STARD8: variants seen among roughly 807,000 people sequenced by gnomAD.
STARD8 encodes the protein StAR related lipid transfer domain containing 8, also known as stAR-related lipid transfer protein 8.
A neutral mutation model predicts 69.4 loss-of-function variants in STARD8; 25 were observed. The observed-to-expected ratio is 0.36, with a 90% confidence interval of 0.26 to 0.50. The LOEUF is 0.50. Ranked by LOEUF, STARD8 falls within the 20% of genes least tolerant of loss-of-function variation. STARD8 has a pLI of 0.96. For synonymous variants in STARD8, 389 were observed against 374.6 expected (o/e 1.04, Z -0.45); for missense variants, 921 against 932.5 (o/e 0.99, Z 0.16).
At chrX:68,724,256 C>A in intron 14 of STARD8, 49 bp from the exon 15 acceptor site, 1 of 1,188,660 alleles carries the variant, frequency 8.4e-7, no homozygotes, top group Non-Finnish European at 1.1e-6. Flanking sequence ...CTGGTGAGGG[C>A]TCTGGGGAAA....
rs1307082698 is a variant in STARD8 at position 68,671,025 on chromosome X, G to T, written c.79+5493G>T. ...AACTGGTCTTCCTGCCACCATGCTC[G>T]CCCTTCCAGTTCACCCTCCATGCTG... On this transcript the variant is annotated intron_variant, in intron 2 of 14. Transcript: ENST00000374599. Among the ~76,000 whole-genome samples the T allele has an allele frequency of 2.7e-5, 3 of 111,587 alleles. No individual in the cohort carries two copies. The Admixed American group carries it at 2.8e-4, about 11-fold the overall frequency.
intron 10 of STARD8, 149 bp from the exon 11 acceptor site, chrX:68,721,898 C>A: frequency 1.3e-6 from 1 of 786,562 alleles, no homozygotes; most frequent in Non-Finnish European, 1.8e-6. Context: ...TGGTGGGATG[C>A]TGTGGAGCAG....
chrX:68,722,264 C>G (rs996651564), intron 11 of STARD8, 103 bp downstream of exon 11: 1 of 848,754 alleles, frequency 1.2e-6, no homozygotes, highest in African/African-American at 2.0e-5. Flanking sequence ...TTGACACATA[C>G]CCCTCAAGCT....
In STARD8 at chrX:68,696,812, C is replaced by T. The variant is rs908529074; in HGVS notation, c.80-16102C>T. Among the ~76,000 whole-genome samples the T allele has an allele frequency of 4.5e-5, 5 of 111,630 alleles. No individual in the cohort carries two copies. In the Admixed American group the frequency reaches 4.7e-4, roughly 11 times the overall value. On this transcript the variant is annotated intron_variant, in intron 2 of 14. Transcript: ENST00000374599. Reference sequence around the variant, plus strand: ...CTTGTGGAGGACACAGAGTAAAAACCCCCAGTTCCAGGGAATGTACCATCT... The same window carrying T: ...CTTGTGGAGGACACAGAGTAAAAACTCCCAGTTCCAGGGAATGTACCATCT...
At chrX:68,662,204 T>G (rs1443093459) in intron 1 of STARD8, among the ~76,000 whole-genome samples, 4 of 109,188 alleles carry the variant, frequency 3.7e-5, no homozygotes, top group Non-Finnish European at 7.6e-5. Context: ...AGACAGGGTT[T>G]TTCTATGTTG....
intron 2 of STARD8, among the ~76,000 whole-genome samples, chrX:68,709,555 C>G (rs1339850727): frequency 9.0e-6 from 1 of 111,588 alleles, no homozygotes; most frequent in East Asian, 2.8e-4. Flanking sequence ...CACCTGTAAT[C>G]CTAGCACTTT....
chrX:68,705,440 G>A (rs1255661656), intron 2 of STARD8, among the ~76,000 whole-genome samples: 1 of 112,530 alleles, frequency 8.9e-6, no homozygotes, highest in African/African-American at 3.2e-5. Context: ...GAGGAGCGGG[G>A]AACCACAGTT....
At chrX:68,687,256 A>T (rs1213490238) in intron 2 of STARD8, among the ~76,000 whole-genome samples, 1 of 110,136 alleles carries the variant, frequency 9.1e-6, no homozygotes, top group African/African-American at 3.3e-5. Context: ...ATCAACTCGC[A>T]TTGCCTGGGA....
intron 2 of STARD8, among the ~76,000 whole-genome samples, chrX:68,706,505 C>T (rs1051190927): frequency 8.9e-6 from 1 of 112,004 alleles, no homozygotes; most frequent in African/African-American, 3.3e-5. Context: ...GCTCTTAGTA[C>T]AGGTCCTCAT....
chrX:68,653,108 CA>C (rs2079573215), intron 1 of STARD8, among the ~76,000 whole-genome samples: 1 of 56,247 alleles, frequency 1.8e-5, no homozygotes, highest in Admixed American at 1.9e-4. Context: ...ACACCACACA[CA>C]CACACCACAC....
chrX:68,648,941 G>C (rs141747292), intron 1 of STARD8, among the ~76,000 whole-genome samples: 316 of 112,514 alleles, frequency 2.8e-3, no homozygotes, highest in Middle Eastern at 4.6e-3. Flanking sequence ...ATAGGGAAAA[G>C]ACACTGTGAA....
chrX:68,705,162 A>G (rs2079996077), intron 2 of STARD8, among the ~76,000 whole-genome samples: 1 of 112,591 alleles, frequency 8.9e-6, no homozygotes, highest in Non-Finnish European at 1.9e-5. Flanking sequence ...CCTTGGGGGC[A>G]AGAAAACTAA....
rs773055319 is a variant in STARD8, at chrX:68,674,781, G to T, written c.79+9249G>T. On this transcript the variant is annotated intron_variant, in intron 2 of 14. Transcript: ENST00000374599. ...TCAGTTTTCTCAGGTTTTTTTTTTT[G>T]TTGTTGTTGTTGTTGTTTTGAGATG... 5.4e-3 allele frequency among the ~76,000 whole-genome samples: 568 copies of T among 105,054 alleles called. 2 individuals carry two copies. Among genetic ancestry groups the T allele is most frequent in the African/African-American group, 0.013 (377 of 28,753 alleles). The allele number at this position is 105,054 out of a possible 115,157, so 91.2% of individuals were successfully genotyped here. A position where few individuals can be genotyped will look rare whatever the true frequency, so the allele number is the denominator to read the frequency against.
At chrX:68,661,976 CTTTCTTTCTTTCTT>C (rs2079652269) in intron 1 of STARD8, among the ~76,000 whole-genome samples, 4 of 52,809 alleles carry the variant, frequency 7.6e-5, no homozygotes, top group African/African-American at 4.1e-4. Flanking sequence ...CTCTCTCTTT[CTTTCTTTCTTTCTT>C]TCTTTCTTTC....
chrX:68,718,590 G>A lies in STARD8; in HGVS notation c.1676G>A (p.Arg559His), dbSNP rs199614519. The A allele has an allele frequency of 3.6e-5, 44 of 1,207,207 alleles. No individual in the cohort carries two copies. In the South Asian group the frequency reaches 3.8e-4, roughly 10 times the overall value. ...GLQASMPRERRDSGVGASLTR... is the reference protein window; with the variant it reads ...GLQASMPRERHDSGVGASLTR... Reference sequence around the variant, plus strand: ...CAGGCATCAATGCCCCGTGAACGGCGCGATTCAGGTGTTGGGGCCTCACTT... The same window carrying A: ...CAGGCATCAATGCCCCGTGAACGGCACGATTCAGGTGTTGGGGCCTCACTT... The change falls in exon 6 of 15, where the codon CGC (arginine) becomes CAC (histidine). Residue 559 changes from arginine (R) to histidine (H), a missense_variant. Transcript: ENST00000374599.
intron 2 of STARD8, among the ~76,000 whole-genome samples, chrX:68,697,907 CT>C (rs1244845823): frequency 8.9e-6 from 1 of 112,482 alleles, no homozygotes; most frequent in Admixed American, 9.3e-5. Context: ...TGCTCTTGGG[CT>C]GTCTTTGGGA....
intron 2 of STARD8, among the ~76,000 whole-genome samples, chrX:68,692,140 AAGG>A (rs1220034878): frequency 2.7e-5 from 3 of 111,979 alleles, no homozygotes; most frequent in African/African-American, 9.8e-5. Context: ...CAGCCTCAGG[AAGG>A]AGGTCATATC....
intron 2 of STARD8, among the ~76,000 whole-genome samples, chrX:68,680,598 C>T (rs1239456437): frequency 1.8e-5 from 2 of 112,201 alleles, no homozygotes; most frequent in Non-Finnish European, 3.8e-5. Context: ...ATGGACAGAG[C>T]CCTGGAATCC....
intron 2 of STARD8, among the ~76,000 whole-genome samples, chrX:68,672,721 C>CT (rs367733095): frequency 1.8e-5 from 2 of 111,133 alleles, no homozygotes; most frequent in African/African-American, 6.6e-5. Flanking sequence ...GCGCCCCACC[C>CT]CCCATGGCAG....
Sources: gnomAD v4.1 joint callset for allele counts (sites outside exome capture counted in the v4.1 genomes callset) on GRCh38, gnomAD v4.1.1 for gene constraint, MANE v1.5 for transcripts, NCBI Gene and HGNC (gene_info 2026-07-23, HGNC 2026-07-21) for gene names.